ITPR1: variants seen among roughly 807,000 people sequenced by gnomAD.
ITPR1 encodes inositol 1,4,5-trisphosphate-gated calcium channel ITPR1.
Under a neutral mutation model 318.4 loss-of-function variants are expected in ITPR1, and 96 were observed. The observed-to-expected ratio is 0.30, with a 90% CI of 0.26 to 0.36. The LOEUF is 0.36. Among genes scored for constraint, ITPR1 ranks in the 10% least tolerant of loss-of-function variants. The probability of loss-of-function intolerance (pLI) is 1.00; values close to 1 mark genes in which losing one functional copy is unlikely to be tolerated. For synonymous variants in ITPR1, 1,312 were observed against 1,289.9 expected (o/e 1.02, Z -0.37); for missense variants, 2,440 against 3,460.2 (o/e 0.71, Z 7.40).
At chr3:4,653,709 T>C (rs1203710256) in intron 11 of ITPR1, 133 bp from the exon 12 acceptor site, 2 of 632,038 alleles carry the variant, frequency 3.2e-6, no homozygotes, top group Non-Finnish European at 5.8e-6. Flanking sequence ...CATGCTGGTT[T>C]TGTGAACAGA....
chr3:4,700,751 G>C (rs78485956), intron 35 of ITPR1, among the ~76,000 whole-genome samples: 1 of 152,106 alleles, frequency 6.6e-6, no homozygotes, highest in Non-Finnish European at 1.5e-5. Flanking sequence ...AGACATACCC[G>C]ATACTGGGCA....
intron 60 of ITPR1, 103 bp downstream of exon 60, chr3:4,818,345 A>G: frequency 1.1e-6 from 1 of 899,914 alleles, no homozygotes; most frequent in Non-Finnish European, 1.6e-6. Flanking sequence ...GAAGAATAAC[A>G]TCCGATGTTG....
Position 4,774,603 on chromosome 3 carries a change from T to C in ITPR1, c.5980-639T>C, listed in dbSNP as rs142716451. 2.8e-3 allele frequency among the ~76,000 whole-genome samples: 422 copies of C among 152,350 alleles called. 4 individuals carry two copies. The highest frequency in any genetic ancestry group is 8.2e-3 in the Admixed American group (125 of 15,302). On this transcript the variant is annotated intron_variant, in intron 46 of 61. Coordinates refer to ENST00000649015, the MANE Select transcript of ITPR1 (RefSeq NM_001378452.1). ...GGCTTTTTAAATTTTGTTGAGGAAG[T>C]GTCTTGCTCCTATCTGTGCCTCTTG... is the stretch of plus-strand genomic sequence containing the variant.
At chr3:4,836,250 C>T (rs896652898) in intron 60 of ITPR1, among the ~76,000 whole-genome samples, 5 of 151,664 alleles carry the variant, frequency 3.3e-5, no homozygotes, top group Admixed American at 6.6e-5. Context: ...TGCCCGGGGC[C>T]GGCGGGAATG....
At chr3:4,654,915 C>G (rs924984470) in intron 12 of ITPR1, among the ~76,000 whole-genome samples, 1 of 152,126 alleles carries the variant, frequency 6.6e-6, no homozygotes, top group African/African-American at 2.4e-5. Context: ...GGGAGCCTCT[C>G]CTCCCTTTTG....
rs184678104 is a variant in ITPR1 at position 4,726,719 on chromosome 3, G to A, written c.5173-407G>A. ...CCCATATCTGTGTCTGCTCAGAGGCGTGTGTCTTGATGTCCTTATGCATGT... is the reference window on the plus strand; with the variant it reads ...CCCATATCTGTGTCTGCTCAGAGGCATGTGTCTTGATGTCCTTATGCATGT... On this transcript the variant is annotated intron_variant, in intron 41 of 61. Transcript: ENST00000649015. Among the ~76,000 whole-genome samples the A allele has an allele frequency of 9.3e-4, 142 of 152,284 alleles. 3 individuals are homozygous for A. Among genetic ancestry groups the A allele is most frequent in the African/African-American group, 2.9e-3 (120 of 41,562 alleles).
chr3:4,610,538 G>A (rs1199411580), intron 4 of ITPR1, among the ~76,000 whole-genome samples: 1 of 151,926 alleles, frequency 6.6e-6, no homozygotes, highest in African/African-American at 2.4e-5. Flanking sequence ...TTGTAGATGT[G>A]GCATATCCTC....
chr3:4,814,582 A>C lies in ITPR1; in HGVS notation c.7701+20A>C. The C allele has an allele frequency of 8.1e-7, 1 of 1,227,286 alleles. No homozygotes were observed. Among genetic ancestry groups the C allele is most frequent in the Non-Finnish European group, 1.2e-6 (1 of 862,646 alleles). The allele number at this position is 1,227,286 out of a possible 1,614,324, so 76.0% of individuals were successfully genotyped here. A position where few individuals can be genotyped will look rare whatever the true frequency, so the allele number is the denominator to read the frequency against. ...AAAGAGGTAAATTAATCCCGAGGGG[A>C]AGGAAGGGCAAAGGGGGCGGGTGGG... On this transcript the variant is annotated intron_variant, in intron 58 of 61. Coordinates refer to ENST00000649015, the MANE Select transcript of ITPR1 (RefSeq NM_001378452.1).
intron 46 of ITPR1, among the ~76,000 whole-genome samples, chr3:4,772,195 G>T (rs566282296): frequency 2.0e-5 from 3 of 152,348 alleles, no homozygotes; most frequent in South Asian, 4.1e-4. Context: ...CAGGGGGTGG[G>T]TCACTGGGTC....
intron 37 of ITPR1, among the ~76,000 whole-genome samples, chr3:4,709,154 G>A (rs2094818922): frequency 6.6e-6 from 1 of 152,170 alleles, no homozygotes; most frequent in African/African-American, 2.4e-5. Context: ...GCTATGGGGG[G>A]AACTGATAAG....
Position 4,615,946 on chromosome 3 carries a change from T to G in ITPR1, c.164-11817T>G, listed in dbSNP as rs555686067. Reference sequence around the variant, plus strand: ...TGGTTGTCTGAAGTGGGGAAAAAATTAGCTCATCTTTTGTCTTCTAATAAC... The same window carrying G: ...TGGTTGTCTGAAGTGGGGAAAAAATGAGCTCATCTTTTGTCTTCTAATAAC... On this transcript the variant is annotated intron_variant, in intron 4 of 61. Transcript: ENST00000649015. 4.3e-4 allele frequency among the ~76,000 whole-genome samples: 66 copies of G among 152,260 alleles called. 1 individual carries two copies. In the Middle Eastern group the frequency reaches 0.017, roughly 39 times the overall value.
intron 61 of ITPR1, among the ~76,000 whole-genome samples, chr3:4,840,058 T>TTTTTTTTTTTTTG (rs2051227332): frequency 7.5e-6 from 1 of 134,150 alleles, no homozygotes. Flanking sequence ...TTTTTTTTTT[T>TTTTTTTTTTTTTG]GAGGGGGCAG....
rs1006936958 is a variant in ITPR1, at chr3:4,808,165, G to A, written c.7272+1898G>A. On this transcript the variant is annotated intron_variant, in intron 55 of 61. Coordinates refer to ENST00000649015, the MANE Select transcript of ITPR1 (RefSeq NM_001378452.1). ...CTCACAGTCAGGAGCACATTACAGG[G>A]ACAGCCGTTTTGTGAGTGGTCACCC... Among the ~76,000 whole-genome samples the A allele has an allele frequency of 3.3e-5, 5 of 152,344 alleles. No individual in the cohort carries two copies. The South Asian group carries it at 6.2e-4, about 19-fold the overall frequency.
intron 36 of ITPR1, among the ~76,000 whole-genome samples, chr3:4,705,718 G>A (rs536217569): frequency 1.3e-5 from 2 of 152,296 alleles, no homozygotes; most frequent in East Asian, 3.9e-4. Flanking sequence ...TTATGCCATT[G>A]TGAATGCTAC....
chr3:4,729,541 TTCTC>T (rs2042754544), intron 42 of ITPR1, among the ~76,000 whole-genome samples: 1 of 152,200 alleles, frequency 6.6e-6, no homozygotes, highest in East Asian at 1.9e-4. Flanking sequence ...GAAAGGTCAG[TTCTC>T]TCTCTCCTTT....
intron 39 of ITPR1, 92 bp downstream of exon 39, chr3:4,711,960 G>C (rs2041403936): frequency 1.8e-6 from 1 of 555,032 alleles, no homozygotes; most frequent in Non-Finnish European, 3.2e-6. Flanking sequence ...AGGCATTACT[G>C]ACTGAGGGGC....
At chr3:4,618,859 G>A (rs908132765) in intron 4 of ITPR1, among the ~76,000 whole-genome samples, 2 of 152,138 alleles carry the variant, frequency 1.3e-5, no homozygotes, top group African/African-American at 2.4e-5. Context: ...ATACTGTCTC[G>A]ACTATAGAAC....
intron 61 of ITPR1, among the ~76,000 whole-genome samples, chr3:4,844,344 G>C (rs982809660): frequency 6.6e-6 from 1 of 152,022 alleles, no homozygotes; most frequent in Non-Finnish European, 1.5e-5. Context: ...GGCTGGTCTC[G>C]AACTCCTGGG....
intron 10 of ITPR1, chr3:4,646,063 C>T (rs1210758136): frequency 1.2e-5 from 3 of 257,750 alleles, no homozygotes; most frequent in Non-Finnish European, 2.3e-5. Flanking sequence ...AAATAGCTTT[C>T]TCTGAGCCAT....
Sources: allele counts gnomAD v4.1 joint callset (sites outside exome capture counted in the v4.1 genomes callset), GRCh38; gene constraint gnomAD v4.1.1; transcripts MANE v1.5; gene names NCBI Gene and HGNC (gene_info 2026-07-23, HGNC 2026-07-21).